Variants in CLASP1 observed in about 807,000 individuals in gnomAD.
CLASP1 encodes the protein CLIP-associating protein 1.
In CLASP1, 38 loss-of-function variants were observed where a neutral mutation model predicts 192.3. The observed-to-expected ratio is 0.20, with a 90% CI of 0.15 to 0.26. CLASP1 has a LOEUF of 0.26. Among genes scored for constraint, CLASP1 ranks in the 10% least tolerant of loss-of-function variants. The probability of loss-of-function intolerance (pLI) is 1.00; values close to 1 mark genes in which losing one functional copy is unlikely to be tolerated. For synonymous variants in CLASP1, 691 were observed against 712.8 expected, an observed-to-expected ratio of 0.97 and a Z score of 0.49; for missense variants, 1,433 against 1,932.5, an observed-to-expected ratio of 0.74 and a Z score of 4.85.
At chr2:121,460,471 C>G (rs920720633) in intron 11 of CLASP1, among the ~76,000 whole-genome samples, 2 of 152,074 alleles carry the variant, frequency 1.3e-5, no homozygotes, top group Non-Finnish European at 1.5e-5. Context: ...CCTAAGCTTA[C>G]CTCCCCGCGA....
chr2:121,644,742 A>C (rs557992861), intron 1 of CLASP1, among the ~76,000 whole-genome samples: 2 of 152,294 alleles, frequency 1.3e-5, no homozygotes, highest in African/African-American at 4.8e-5. Flanking sequence ...CAGCAGTTCG[A>C]GACCAGCATG....
At chr2:121,508,809 C>T (rs1028396955) in intron 7 of CLASP1, among the ~76,000 whole-genome samples, 7 of 152,120 alleles carry the variant, frequency 4.6e-5, no homozygotes, top group African/African-American at 1.2e-4. Context: ...ATATTTCATG[C>T]AAACAGTACA....
At chr2:121,578,599 A>G (rs1042083601) in intron 2 of CLASP1, among the ~76,000 whole-genome samples, 20 of 151,880 alleles carry the variant, frequency 1.3e-4, no homozygotes, top group African/African-American at 4.6e-4. Context: ...GTGGTGGTGC[A>G]TGCCTGTAGT....
intron 2 of CLASP1, among the ~76,000 whole-genome samples, chr2:121,575,809 A>G (rs973793665): frequency 6.6e-6 from 1 of 152,232 alleles, no homozygotes; most frequent in Admixed American, 6.5e-5. Context: ...TAAGTGGCAT[A>G]ATCTCTAAAG....
At chr2:121,387,297 G>T (rs1558987660) in intron 31 of CLASP1, 69 bp from the exon 33 acceptor site, 10 of 1,100,948 alleles carry the variant, frequency 9.1e-6, no homozygotes, top group Non-Finnish European at 1.2e-5. Context: ...TCTTTCCTTG[G>T]TCTTTTAACC....
intron 2 of CLASP1, among the ~76,000 whole-genome samples, chr2:121,584,841 G>A (rs2061551079): frequency 6.6e-6 from 1 of 152,110 alleles, no homozygotes; most frequent in African/African-American, 2.4e-5. Flanking sequence ...CCACTGTTTG[G>A]CTGTTTGGGT....
chr2:121,524,886 A>T (rs1019004430), intron 6 of CLASP1, among the ~76,000 whole-genome samples: 1 of 152,164 alleles, frequency 6.6e-6, no homozygotes, highest in African/African-American at 2.4e-5. Context: ...ACAGCCAAAG[A>T]GAAGGGAGAG....
At chr2:121,611,865 T>G (rs1339745911) in intron 1 of CLASP1, among the ~76,000 whole-genome samples, 472 of 63,944 alleles carry the variant, frequency 7.4e-3, no homozygotes, top group Middle Eastern at 0.039. Context: ...AGTTACAGGA[T>G]AAAGAGGAAC....
In CLASP1 at chr2:121,530,894, T is replaced by TG. The variant is rs761483970; in HGVS notation, c.196-570dup. 3.5e-5 allele frequency: 24 copies of TG among 694,024 alleles called. No homozygotes were observed. Among genetic ancestry groups the TG allele is most frequent in the South Asian group, 1.2e-4 (8 of 67,282 alleles). 43.0% of individuals were successfully genotyped at this position (694,024 alleles called of 1,614,324 possible). A position where few individuals can be genotyped will look rare whatever the true frequency, so the allele number is the denominator to read the frequency against. ...CTTTCTATTATAACCATCCTTTTCT[T>TG]GGGGTTGCGCTACTGTCCAATGAGC... On this transcript the variant is annotated intron_variant, in intron 2 of 39. Transcript: ENST00000263710.
intron 24 of CLASP1, among the ~76,000 whole-genome samples, chr2:121,408,796 G>C (rs1368254638): frequency 6.6e-6 from 1 of 152,168 alleles, no homozygotes; most frequent in African/African-American, 2.4e-5. Context: ...AGGCGAAGGA[G>C]CAGAGCTTGA....
At chr2:121,642,402 A>T (rs1443402256) in intron 1 of CLASP1, among the ~76,000 whole-genome samples, 8 of 101,246 alleles carry the variant, frequency 7.9e-5, no homozygotes, top group Admixed American at 4.9e-4. Flanking sequence ...TCTTTTTGCT[A>T]AAAAAAAAAA....
intron 8 of CLASP1, among the ~76,000 whole-genome samples, chr2:121,478,754 CACACACACCA>C (rs2092071367): frequency 2.5e-5 from 2 of 79,312 alleles, no homozygotes; most frequent in African/African-American, 6.5e-5. Context: ...ACACACACCA[CACACACACCA>C]CACACCCCAC....
intron 6 of CLASP1, among the ~76,000 whole-genome samples, chr2:121,520,823 C>G (rs942698335): frequency 6.6e-6 from 1 of 152,186 alleles, no homozygotes; most frequent in Non-Finnish European, 1.5e-5. Context: ...TCAACAAGCA[C>G]AGACTTCGTA....
chr2:121,366,189 A>G (rs2067376985), intron 35 of CLASP1, among the ~76,000 whole-genome samples: 1 of 152,176 alleles, frequency 6.6e-6, no homozygotes, highest in Admixed American at 6.5e-5. Context: ...TGAATAACCA[A>G]CACTGTAATT....
chr2:121,375,679 G>C (rs948935991), intron 34 of CLASP1, among the ~76,000 whole-genome samples: 17 of 152,092 alleles, frequency 1.1e-4, no homozygotes, highest in African/African-American at 3.6e-4. Context: ...CTTTATAGCA[G>C]TGTGAGAACT....
intron 8 of CLASP1, among the ~76,000 whole-genome samples, chr2:121,478,872 C>A (rs2092197363): frequency 3.1e-5 from 1 of 32,680 alleles, no homozygotes; most frequent in Non-Finnish European, 6.7e-5. Context: ...ACACACACAC[C>A]ACACCACACA....
chr2:121,354,271 A>G (rs2065014891), intron 37 of CLASP1, among the ~76,000 whole-genome samples: 1 of 152,230 alleles, frequency 6.6e-6, no homozygotes, highest in Non-Finnish European at 1.5e-5. Context: ...CAGGTGACAC[A>G]CTGGAAAAGC....
intron 19 of CLASP1, among the ~76,000 whole-genome samples, chr2:121,446,973 T>C (rs768415888): frequency 2.6e-5 from 4 of 152,232 alleles, no homozygotes; most frequent in Non-Finnish European, 4.4e-5. Context: ...CTGAACCTGC[T>C]GGCTCTGCTC....
intron 31 of CLASP1, among the ~76,000 whole-genome samples, chr2:121,387,455 A>G (rs2073486376): frequency 6.6e-6 from 1 of 152,132 alleles, no homozygotes; most frequent in South Asian, 2.1e-4. Flanking sequence ...TGGGTGTGCT[A>G]GAGTGACAGA....
Sources: allele counts gnomAD v4.1 joint callset (sites outside exome capture counted in the v4.1 genomes callset), GRCh38; gene constraint gnomAD v4.1.1; transcripts MANE v1.5; gene names NCBI Gene and HGNC (gene_info 2026-07-23, HGNC 2026-07-21).